Variants in PIEZO2 observed in about 807,000 individuals in gnomAD.
The protein encoded by PIEZO2 is piezo type mechanosensitive ion channel component 2.
PIEZO2 carries 172 observed loss-of-function variants against 337.3 expected under a neutral mutation model. The ratio of observed to expected loss-of-function variants is 0.51; its 90% CI spans 0.45 to 0.58. PIEZO2 has a LOEUF of 0.58. Among genes scored for constraint, PIEZO2 ranks in the 20% least tolerant of loss-of-function variants. PIEZO2 has a pLI of 0.00. For synonymous variants in PIEZO2, 1,251 were observed against 1,228.5 expected (o/e 1.02, Z -0.38); for missense variants, 3,028 against 3,391.3 (o/e 0.89, Z 2.66).
rs2144694808 is a variant in PIEZO2, at chr18:10,855,625, A to C, written c.704-59T>G. 1.5e-6 allele frequency: 2 copies of C among 1,297,884 alleles called. No homozygotes were observed. Among genetic ancestry groups the C allele is most frequent in the South Asian group, 2.7e-5 (2 of 75,318 alleles). 80.4% of individuals were successfully genotyped at this position (1,297,884 alleles called of 1,614,324 possible). Reference sequence around the variant, plus strand: ...AGAACTGGAAATTCACTTATCATTCAGTGAATGTGACTATTTGAAATTATG... The same window carrying C: ...AGAACTGGAAATTCACTTATCATTCCGTGAATGTGACTATTTGAAATTATG... On this transcript the variant is annotated intron_variant, in intron 6 of 55. Coordinates refer to ENST00000674853, the MANE Select transcript of PIEZO2 (RefSeq NM_001378183.1). This position sits in a 1 kb window ranked among gnomAD's most constrained non-coding sequence, Gnocchi z 4.9.
rs192783383 is a variant in PIEZO2, at chr18:10,980,317, T to C, written c.161-657A>G. ...TTTCTCAATTGGCACCAAAGAAATG[T>C]TTCATAAAGTTCAAAACCTAGTTAT... On this transcript the variant is annotated intron_variant, in intron 2 of 55. Transcript: ENST00000674853. The surrounding 1 kb of genome is among the most constrained non-coding windows in gnomAD (Gnocchi z 4.8). 2.0e-5 allele frequency among the ~76,000 whole-genome samples: 3 copies of C among 152,068 alleles called. No individual in the cohort carries two copies. Among genetic ancestry groups the C allele is most frequent in the Non-Finnish European group, 2.9e-5 (2 of 67,994 alleles).
At chr18:10,918,170 G>A (rs1489155523) in intron 3 of PIEZO2, among the ~76,000 whole-genome samples, 1 of 152,084 alleles carries the variant, frequency 6.6e-6, no homozygotes. Flanking sequence ...AGCCTTTTGG[G>A]TTAAATGGTG....
intron 3 of PIEZO2, among the ~76,000 whole-genome samples, chr18:10,949,006 G>A (rs6505604): frequency 0.14 from 21,194 of 152,112 alleles, 2,483 homozygotes; most frequent in African/African-American, 0.31. Flanking sequence ...TAGATGAAAT[G>A]TGTCCATCTC....
At position 11,105,105 on chromosome 18, in the gene PIEZO2, C is replaced by T. The variant is rs2039522765; in HGVS notation, c.65-38883G>A. ...AGCACGACACCACCACAGAAGAAAA[C>T]ATAGCCAAGAAATGGAGAAGGGGAG... On this transcript the variant is annotated intron_variant, in intron 1 of 55. Coordinates refer to ENST00000674853, the MANE Select transcript of PIEZO2 (RefSeq NM_001378183.1). This position sits in a 1 kb window ranked among gnomAD's most constrained non-coding sequence, Gnocchi z 4.3. Among the ~76,000 whole-genome samples the T allele has an allele frequency of 6.6e-6, 1 of 152,218 alleles. No homozygotes were observed. The highest frequency in any genetic ancestry group is 1.9e-4 in the East Asian group (1 of 5,186).
At chr18:10,685,576 T>C (rs1172090008) in intron 49 of PIEZO2, among the ~76,000 whole-genome samples, 1 of 152,128 alleles carries the variant, frequency 6.6e-6, no homozygotes, top group African/African-American at 2.4e-5. Context: ...CATGACAGTG[T>C]GAAAAATGTC....
At chr18:11,050,513 G>A (rs1470117477) in intron 2 of PIEZO2, among the ~76,000 whole-genome samples, 2 of 116,252 alleles carry the variant, frequency 1.7e-5, no homozygotes, top group East Asian at 5.2e-4. Flanking sequence ...AGGTGCTTTT[G>A]GTGTTTATTT....
chr18:10,718,259 C>T lies in PIEZO2; in HGVS notation c.5030G>A (p.Gly1677Asp). Reference protein sequence around the residue: ...RKRRRKGSKEGPVEWEDREDE... With the variant: ...RKRRRKGSKEDPVEWEDREDE... ...CTCCCGGTCTTCCCATTCCACAGGA[C>T]CTGCCAAGTGTGTTCAATAAAGATG... Residue 1677 changes from glycine (G) to aspartate (D), a missense_variant and splice_region_variant, in exon 37 of 56, where the codon GGT (glycine) becomes GAT (aspartate). This residue lies in a region of PIEZO2 where 1,925 missense variants were observed against 2,051.9 expected (regional missense o/e 0.94). Transcript: ENST00000674853. 6.5e-7 allele frequency: 1 copy of T among 1,536,432 alleles called. No homozygotes were observed. Among genetic ancestry groups the T allele is most frequent in the Non-Finnish European group, 8.7e-7 (1 of 1,146,190 alleles).
chr18:11,062,429 A>G (rs528689168), intron 2 of PIEZO2, among the ~76,000 whole-genome samples: 5 of 152,246 alleles, frequency 3.3e-5, no homozygotes, highest in African/African-American at 1.2e-4. Context: ...TTAACTAAAG[A>G]GCCTCTGCAC....
At chr18:10,675,061 T>G (rs2033933632) in intron 54 of PIEZO2, 148 bp downstream of exon 54, 3 of 500,332 alleles carry the variant, frequency 6.0e-6, no homozygotes, top group Non-Finnish European at 7.3e-6. Flanking sequence ...TTTGGGCTAG[T>G]GAAGGCTGTC....
At position 10,782,328 on chromosome 18, in the gene PIEZO2, T is replaced by C. The variant is rs1397406121; in HGVS notation, c.2493-1962A>G. The stretch of plus-strand genomic sequence containing the variant: ...AAATAATTATATAATATATTATAAT[T>C]ATATATAAATAATTATAATATATTA... On this transcript the variant is annotated intron_variant, in intron 17 of 55. Coordinates refer to ENST00000674853, the MANE Select transcript of PIEZO2 (RefSeq NM_001378183.1). 2.1e-4 allele frequency among the ~76,000 whole-genome samples: 18 copies of C among 87,282 alleles called. 1 individual carries two copies. The East Asian group carries it at 3.4e-3, about 16-fold the overall frequency. The allele number at this position is 87,282 out of a possible 152,430, so 57.3% of individuals were successfully genotyped here. A position where few individuals can be genotyped will look rare whatever the true frequency, so the allele number is the denominator to read the frequency against.
intron 4 of PIEZO2, among the ~76,000 whole-genome samples, chr18:10,883,903 C>T (rs1260267848): frequency 6.7e-6 from 1 of 149,332 alleles, no homozygotes; most frequent in Non-Finnish European, 1.5e-5. Context: ...CTCCCCCTCC[C>T]AGGTTCATGC....
At chr18:11,018,211 GGTGGTGGTGGTGTGT>G (rs1277401958) in intron 2 of PIEZO2, among the ~76,000 whole-genome samples, 4 of 143,850 alleles carry the variant, frequency 2.8e-5, no homozygotes, top group African/African-American at 1.0e-4. Context: ...TGGTGGTGGT[GGTGGTGGTGGTGTGT>G]GTGTGTGTGT....
chr18:10,692,161 GA>G (rs760884907), intron 47 of PIEZO2, among the ~76,000 whole-genome samples: 6 of 151,232 alleles, frequency 4.0e-5, no homozygotes, highest in East Asian at 1.9e-4. Context: ...GCACAAGTTT[GA>G]AAAAAAATAG....
chr18:10,912,552 G>A (rs1254885452), intron 3 of PIEZO2, among the ~76,000 whole-genome samples: 1 of 152,148 alleles, frequency 6.6e-6, no homozygotes, highest in East Asian at 1.9e-4. Context: ...CAGCTAAAAG[G>A]CAGCTGAAAA....
chr18:10,875,708 A>G (rs1261713718), intron 4 of PIEZO2, among the ~76,000 whole-genome samples: 2 of 152,242 alleles, frequency 1.3e-5, no homozygotes, highest in East Asian at 3.8e-4. Flanking sequence ...CACAACAGAC[A>G]GAGCAGGAAA....
In PIEZO2 at chr18:11,128,512, C is replaced by A. The variant is rs1028978850; in HGVS notation, c.64+20013G>T. 6.6e-6 allele frequency among the ~76,000 whole-genome samples: 1 copy of A among 152,172 alleles called. No homozygotes were observed. The highest frequency in any genetic ancestry group is 1.5e-5 in the Non-Finnish European group (1 of 68,040). Reference sequence around the variant, plus strand: ...CACTGAGTTTGTAAACTCTGATGAACCTTTTTTGCCAGAAGGAACAGCTTC... The same window carrying A: ...CACTGAGTTTGTAAACTCTGATGAAACTTTTTTGCCAGAAGGAACAGCTTC... On this transcript the variant is annotated intron_variant, in intron 1 of 55. Transcript: ENST00000674853. The surrounding 1 kb of genome is among the most constrained non-coding windows in gnomAD (Gnocchi z 4.1).
rs1044686867 is a variant in PIEZO2, at chr18:11,096,303, C to T, written c.65-30081G>A. On this transcript the variant is annotated intron_variant, in intron 1 of 55. Transcript: ENST00000674853. The surrounding 1 kb of genome is among the most constrained non-coding windows in gnomAD (Gnocchi z 4.6). ...CCCAAGCATTAGGGGCCATGTCCTG[C>T]TACCAAATACCATTTCATTGGCTTC... is the stretch of plus-strand genomic sequence containing the variant. Among the ~76,000 whole-genome samples, 3 of 152,336 alleles carry T rather than the reference C, an allele frequency of 2.0e-5. No individual in the cohort carries two copies. The highest frequency in any genetic ancestry group is 6.5e-5 in the Admixed American group (1 of 15,300).
At chr18:11,017,856 A>T (rs1043338566) in intron 2 of PIEZO2, among the ~76,000 whole-genome samples, 1 of 152,206 alleles carries the variant, frequency 6.6e-6, no homozygotes, top group Non-Finnish European at 1.5e-5. Context: ...GGCTTAAAAC[A>T]ACAGAAATGA....
At position 10,675,288 on chromosome 18, in the gene PIEZO2, C is replaced by A; in HGVS notation, c.8082G>T (p.Val2694=). The part of the protein sequence containing the change: ...GNSTESSKTP[V]TIEKIYPYYV... ...AATATGGATAAATCTTTTCTATGGT[C>A]CTGTACATTAAGAAAAAAAAGATAC... Residue 2694 remains valine (V), a splice_region_variant and synonymous_variant, in exon 54 of 56, where the codon GTG becomes GTT. Transcript: ENST00000674853. 6.8e-7 allele frequency: 1 copy of A among 1,462,950 alleles called. No individual in the cohort carries two copies. The highest frequency in any genetic ancestry group is 1.4e-5 in the South Asian group (1 of 73,646). The allele number at this position is 1,462,950 out of a possible 1,614,324, so 90.6% of individuals were successfully genotyped here.
Sources: gnomAD v4.1 joint callset for allele counts (sites outside exome capture counted in the v4.1 genomes callset) on GRCh38, gnomAD v4.1.1 for gene constraint, gnomAD v4.1.1 regional missense constraint, Gnocchi (gnomAD v3.1) non-coding constraint, MANE v1.5 for transcripts, NCBI Gene and HGNC (gene_info 2026-07-23, HGNC 2026-07-21) for gene names.